The following HDAC9 variants were observed in gnomAD, a reference collection of about 807,000 sequenced individuals.
HDAC9 encodes histone deacetylase 9.
In HDAC9, 41 loss-of-function variants were observed where a neutral mutation model predicts 139.4. The observed-to-expected ratio is 0.29, with a 90% confidence interval of 0.23 to 0.38. The LOEUF is 0.38. HDAC9 is among the 10% of genes least tolerant of loss of function. HDAC9 has a pLI of 1.00. For missense variants in HDAC9, 1,147 were observed against 1,297.0 expected (o/e 0.88, Z 1.78); for synonymous variants, 517 against 476.2 (o/e 1.09, Z -1.12).
intron 22 of HDAC9, among the ~76,000 whole-genome samples, chr7:18,919,742 G>A (rs1435959132): frequency 6.6e-6 from 1 of 151,968 alleles, no homozygotes; most frequent in African/African-American, 2.4e-5. Flanking sequence ...TTATCTTGTT[G>A]ATAAGCAAAT....
At chr7:18,966,410 T>C (rs879292393) in intron 24 of HDAC9, among the ~76,000 whole-genome samples, 5 of 152,176 alleles carry the variant, frequency 3.3e-5, no homozygotes, top group African/African-American at 9.7e-5. Context: ...TGTTAGAAGA[T>C]AGAGTTAGGG....
chr7:18,662,153 G>A (rs1250728694), intron 11 of HDAC9, among the ~76,000 whole-genome samples: 1 of 152,090 alleles, frequency 6.6e-6, no homozygotes, highest in African/African-American at 2.4e-5. Flanking sequence ...GGTAATACCA[G>A]TCTCTTATTT....
chr7:18,178,958 A>T (rs12536864), intron 2 of HDAC9, among the ~76,000 whole-genome samples: 3 of 152,248 alleles, frequency 2.0e-5, no homozygotes, highest in Non-Finnish European at 2.9e-5. Context: ...TAGGATCTTA[A>T]ACTTTCTGTG....
intron 23 of HDAC9, among the ~76,000 whole-genome samples, chr7:18,951,023 G>A (rs1222509951): frequency 6.6e-6 from 1 of 151,826 alleles, no homozygotes; most frequent in East Asian, 1.9e-4. Flanking sequence ...AAATCAGTGA[G>A]CTGTTTTTCA....
chr7:18,573,188 A>G (rs1464474828), intron 2 of HDAC9, among the ~76,000 whole-genome samples: 1 of 152,232 alleles, frequency 6.6e-6, no homozygotes, highest in African/African-American at 2.4e-5. Flanking sequence ...TTAAGAAACT[A>G]AAGACATGGA....
intron 2 of HDAC9, among the ~76,000 whole-genome samples, chr7:18,166,179 C>T (rs1055138443): frequency 6.6e-6 from 1 of 152,088 alleles, no homozygotes; most frequent in Admixed American, 6.6e-5. Flanking sequence ...TGCCTGTTGC[C>T]CTTAGAATTG....
At chr7:18,721,497 T>A (rs1785141930) in intron 12 of HDAC9, among the ~76,000 whole-genome samples, 1 of 152,192 alleles carries the variant, frequency 6.6e-6, no homozygotes, top group South Asian at 2.1e-4. Context: ...TTTAAAGTGT[T>A]AAAACAATTT....
At chr7:18,163,581 G>C (rs2128128362) in intron 2 of HDAC9, among the ~76,000 whole-genome samples, 1 of 152,224 alleles carries the variant, frequency 6.6e-6, no homozygotes, top group South Asian at 2.1e-4. Flanking sequence ...GGGAATCACT[G>C]GTTTAGCTTC....
At chr7:18,392,377 CTAGATAGATGGA>C (rs1161601409) in intron 1 of HDAC9, among the ~76,000 whole-genome samples, 22 of 144,402 alleles carry the variant, frequency 1.5e-4, no homozygotes, top group Non-Finnish European at 2.1e-4. Flanking sequence ...CTCTGTCTCT[CTAGATAGATGGA>C]TAGATAGATG....
chr7:18,468,995 A>G lies in HDAC9; in HGVS notation c.-41-27267A>G, dbSNP rs116370339. On this transcript the variant is annotated intron_variant, in intron 1 of 3. Coordinates refer to the HDAC9 transcript ENST00000413509. Reference sequence around the variant, plus strand: ...TCTGTCTCACTTCAGACTTTTATTCATGCATCTTACTCATCCTGCCATTTC... The same window carrying G: ...TCTGTCTCACTTCAGACTTTTATTCGTGCATCTTACTCATCCTGCCATTTC... Among the ~76,000 whole-genome samples the G allele has an allele frequency of 8.1e-3, 1,235 of 152,306 alleles. 13 individuals carry two copies. Among genetic ancestry groups the G allele is most frequent in the African/African-American group, 0.028 (1,158 of 41,560 alleles).
At chr7:18,942,638 A>G (rs1782100567) in intron 23 of HDAC9, among the ~76,000 whole-genome samples, 1 of 152,074 alleles carries the variant, frequency 6.6e-6, no homozygotes, top group Admixed American at 6.6e-5. Flanking sequence ...CCAGATAATC[A>G]ATAAACAAAA....
chr7:18,290,145 T>A, upstream of HDAC9: 1 of 185,550 alleles, frequency 5.4e-6, no homozygotes, highest in Non-Finnish European at 1.2e-5. Flanking sequence ...CTCCTCCTCC[T>A]CCTCCTCATT....
intron 1 of HDAC9, among the ~76,000 whole-genome samples, chr7:18,376,653 A>G (rs1345799666): frequency 6.6e-6 from 1 of 152,164 alleles, no homozygotes; most frequent in Non-Finnish European, 1.5e-5. Context: ...TTTTGCTTAA[A>G]TTGAGAAAGA....
chr7:18,907,732 TGA>T (rs1275617006), intron 22 of HDAC9, among the ~76,000 whole-genome samples: 6 of 151,868 alleles, frequency 4.0e-5, no homozygotes, highest in African/African-American at 1.4e-4. Context: ...AGGGCAAACT[TGA>T]GAGAGCATGA....
chr7:18,149,494 T>A (rs1201631773), intron 1 of HDAC9, among the ~76,000 whole-genome samples: 1 of 150,682 alleles, frequency 6.6e-6, no homozygotes, highest in East Asian at 1.9e-4. Flanking sequence ...TAACTGGGAC[T>A]ACAGGCACGT....
chr7:18,780,834 G>A (rs977742772), intron 16 of HDAC9, among the ~76,000 whole-genome samples: 19 of 152,002 alleles, frequency 1.2e-4, no homozygotes, highest in African/African-American at 3.6e-4. Context: ...ATAACCCTAT[G>A]CCTAGGACAC....
chr7:18,569,871 G>A (rs1466972960), intron 2 of HDAC9, among the ~76,000 whole-genome samples: 1 of 151,550 alleles, frequency 6.6e-6, no homozygotes, highest in African/African-American at 2.4e-5. Flanking sequence ...AAAAACTGAA[G>A]GAAAAAAAAT....
intron 24 of HDAC9, among the ~76,000 whole-genome samples, chr7:18,959,693 G>A (rs1215969234): frequency 2.6e-5 from 4 of 152,090 alleles, no homozygotes; most frequent in South Asian, 2.1e-4. Context: ...GCTTTTCCAC[G>A]TTGGCGCTAC....
At chr7:18,385,581 T>C (rs574120532) in intron 1 of HDAC9, among the ~76,000 whole-genome samples, 3 of 152,146 alleles carry the variant, frequency 2.0e-5, no homozygotes, top group Non-Finnish European at 2.9e-5. Context: ...TTTGAGAACA[T>C]CTAATCAGAT....
Sources: gnomAD v4.1 joint callset for allele counts (sites outside exome capture counted in the v4.1 genomes callset) on GRCh38, gnomAD v4.1.1 for gene constraint, MANE v1.5 for transcripts, NCBI Gene and HGNC (gene_info 2026-07-23, HGNC 2026-07-21) for gene names.